Variants in PSME4 observed in about 807,000 individuals in gnomAD.
PSME4 encodes the protein proteasome activator complex subunit 4.
Under a neutral mutation model 253.9 loss-of-function variants are expected in PSME4, and 89 were observed. That is an observed-to-expected ratio of 0.35 (90% CI 0.30 to 0.42). PSME4 has a LOEUF of 0.42. PSME4 is among the 10% of genes least tolerant of loss of function. The pLI, the probability that PSME4 is intolerant of heterozygous loss-of-function variation, is 1.00. For missense variants in PSME4, 2,014 were observed against 2,195.2 expected, an observed-to-expected ratio of 0.92 and a Z score of 1.65; for synonymous variants, 851 against 759.2, an observed-to-expected ratio of 1.12 and a Z score of -1.99.
At chr2:53,879,708 A>G (rs1679289921) in intron 41 of PSME4, among the ~76,000 whole-genome samples, 2 of 151,410 alleles carry the variant, frequency 1.3e-5, no homozygotes, top group African/African-American at 4.9e-5. Context: ...CTCAGTAACA[A>G]TGAATACCCC....
At chr2:53,896,656 GTCAAC>G (rs1680150665) in intron 32 of PSME4, 143 bp downstream of exon 32, 1 of 600,376 alleles carries the variant, frequency 1.7e-6, no homozygotes, top group African/African-American at 1.9e-5. Context: ...CTTTTACTAA[GTCAAC>G]TGTTTCCTTC....
In PSME4 at chr2:53,908,363, C is replaced by T. The variant is rs1010775193; in HGVS notation, c.2741G>A (p.Arg914Gln). ...QGSHKHEFDS[R>Q]WKSFNLVKKS... Reference sequence around the variant, plus strand: ...CTTTACTAAGTTGAAGCTTTTCCATCGGGAGTCAAATTCATGCTTGTGAGA... The same window carrying T: ...CTTTACTAAGTTGAAGCTTTTCCATTGGGAGTCAAATTCATGCTTGTGAGA... The change falls in exon 24 of 47, where the codon CGA becomes CAA. Residue 914 changes from arginine to glutamine, a missense_variant. Arg to Gln is a conservative substitution (Grantham distance 43). This residue lies in a region of PSME4 where 989 missense variants were observed against 1,021.1 expected (regional missense o/e 0.97). Transcript: ENST00000404125. 9 of 1,612,782 alleles carry T rather than the reference C, an allele frequency of 5.6e-6. No individual in the cohort carries two copies. Among genetic ancestry groups the T allele is most frequent in the Non-Finnish European group, 7.6e-6 (9 of 1,179,434 alleles).
chr2:53,893,372 T>C (rs1188270161), intron 35 of PSME4, among the ~76,000 whole-genome samples: 1 of 152,146 alleles, frequency 6.6e-6, no homozygotes, highest in Non-Finnish European at 1.5e-5. Flanking sequence ...CATAAAATGG[T>C]ATTGTATTTG....
Position 53,892,934 on chromosome 2 carries a change from G to T in PSME4, c.4065C>A (p.Ala1355=). The change falls in exon 36 of 47, where the codon GCC becomes GCA. Residue 1355 remains alanine, a synonymous_variant. Coordinates refer to ENST00000404125, the MANE Select transcript of PSME4 (RefSeq NM_014614.3). ...FKGIFRNFDD[A]FLPVLKPHLE... is the part of the protein sequence containing the mutation. ...AATGGGGCTTCAGAACTGGCAGGAAGGCATCATCAAAATTCCTGAATATAC... is the reference window on the plus strand; with the variant it reads ...AATGGGGCTTCAGAACTGGCAGGAATGCATCATCAAAATTCCTGAATATAC... 6.2e-7 allele frequency: 1 copy of T among 1,613,352 alleles called. No homozygotes were observed. The highest frequency in any genetic ancestry group is 8.5e-7 in the Non-Finnish European group (1 of 1,179,752).
chr2:53,921,685 G>A (rs1195686186), intron 17 of PSME4, among the ~76,000 whole-genome samples: 146 of 116,406 alleles, frequency 1.3e-3, no homozygotes, highest in Middle Eastern at 0.014. Context: ...CGGCTAAAAC[G>A]GTGAAACCCC....
At chr2:53,960,889 C>T (rs113506637) in intron 1 of PSME4, among the ~76,000 whole-genome samples, 5,081 of 152,132 alleles carry the variant, frequency 0.033, 194 homozygotes, top group Admixed American at 0.12. Flanking sequence ...AGGCGGATCA[C>T]GTGAGGTGAG....
chr2:53,916,476 G>A (rs999836812), intron 20 of PSME4, among the ~76,000 whole-genome samples: 1 of 152,098 alleles, frequency 6.6e-6, no homozygotes, highest in African/African-American at 2.4e-5. Context: ...CAACTAATGT[G>A]CTAAGTTAAT....
At chr2:53,957,219 T>G (rs1048091068) in intron 1 of PSME4, among the ~76,000 whole-genome samples, 1 of 152,214 alleles carries the variant, frequency 6.6e-6, no homozygotes, top group Non-Finnish European at 1.5e-5. Flanking sequence ...AAGGACCGGT[T>G]TTGTGGAAAA....
At chr2:53,945,649 G>A (rs756971870) in intron 3 of PSME4, among the ~76,000 whole-genome samples, 6 of 152,138 alleles carry the variant, frequency 3.9e-5, no homozygotes, top group South Asian at 2.1e-4. Context: ...AACACATGCC[G>A]CTCTAAGCAG....
chr2:53,902,633 A>C (rs868661478), intron 27 of PSME4, among the ~76,000 whole-genome samples: 1 of 152,182 alleles, frequency 6.6e-6, no homozygotes, highest in Non-Finnish European at 1.5e-5. Context: ...AGAATAGTCA[A>C]TGAGTCAAAC....
rs1262466958 is a variant in PSME4, at chr2:53,901,505, G to C, written c.3130C>G (p.His1044Asp). ...GTCTGTACAATACAGTCCCAATCAT[G>C]AAGGTTTGCCAAGCACACACCACTG... is the stretch of plus-strand genomic sequence containing the variant. ...NHSGVCLANL[H>D]DWDCIVQTWP... The change falls in exon 28 of 47, where the codon CAT becomes GAT. Residue 1044 changes from histidine (H) to aspartate (D), a missense_variant. His to Asp is a moderately conservative substitution (Grantham distance 81). This residue lies in a region of PSME4 where 989 missense variants were observed against 1,021.1 expected (regional missense o/e 0.97). Coordinates refer to ENST00000404125, the MANE Select transcript of PSME4 (RefSeq NM_014614.3). 3 of 1,613,836 alleles carry C rather than the reference G, an allele frequency of 1.9e-6. No homozygotes were observed. Among genetic ancestry groups the C allele is most frequent in the Middle Eastern group, 1.6e-4 (1 of 6,082 alleles).
At chr2:53,888,645 C>A (rs1001016840) in intron 38 of PSME4, 76 bp downstream of exon 38, 8 of 998,344 alleles carry the variant, frequency 8.0e-6, no homozygotes, top group African/African-American at 1.6e-5. Flanking sequence ...CAAGTATAGA[C>A]CATTCATTTC....
intron 1 of PSME4, among the ~76,000 whole-genome samples, chr2:53,962,892 C>G (rs1670552613): frequency 6.6e-6 from 1 of 152,022 alleles, no homozygotes; most frequent in South Asian, 2.1e-4. Flanking sequence ...CACCTGTAGT[C>G]CCAGCTACGC....
At chr2:53,963,365 GAA>G (rs1670576109) in intron 1 of PSME4, among the ~76,000 whole-genome samples, 1 of 152,002 alleles carries the variant, frequency 6.6e-6, no homozygotes, top group Non-Finnish European at 1.5e-5. Context: ...AGAGCGCACT[GAA>G]ACTTCCAGAG....
chr2:53,910,029 G>C (rs1468357174), intron 21 of PSME4, 46 bp downstream of exon 21: 6 of 1,458,508 alleles, frequency 4.1e-6, no homozygotes, highest in Non-Finnish European at 5.8e-6. Flanking sequence ...TGGAGTTACT[G>C]ACAAAAATAA....
intron 1 of PSME4, among the ~76,000 whole-genome samples, chr2:53,954,495 GTAA>G (rs1239055006): frequency 2.0e-5 from 3 of 152,112 alleles, no homozygotes; most frequent in Non-Finnish European, 2.9e-5. Context: ...ATTTAAAAAT[GTAA>G]TAATAACAAA....
intron 34 of PSME4, 118 bp downstream of exon 34, chr2:53,894,889 A>G: frequency 1.1e-6 from 1 of 879,408 alleles, no homozygotes; most frequent in South Asian, 1.7e-5. Context: ...GCAGTGCTAT[A>G]CAGAAAAACA....
chr2:53,903,959 A>G (rs1680529682), intron 27 of PSME4, 66 bp downstream of exon 27: 2 of 1,365,816 alleles, frequency 1.5e-6, no homozygotes, highest in Admixed American at 2.1e-5. Flanking sequence ...TGTTTACCGT[A>G]GAATTTTTTC....
intron 44 of PSME4, among the ~76,000 whole-genome samples, chr2:53,868,478 TTATAATATATATATA>T (rs1258295272): frequency 2.5e-5 from 2 of 81,088 alleles, no homozygotes; most frequent in African/African-American, 9.5e-5. Flanking sequence ...TAAAATATAT[TTATAATATATATATA>T]TATGATATAT....
Sources: gnomAD v4.1 joint callset for allele counts (sites outside exome capture counted in the v4.1 genomes callset) on GRCh38, gnomAD v4.1.1 for gene constraint, gnomAD v4.1.1 regional missense constraint, MANE v1.5 for transcripts, NCBI Gene and HGNC (gene_info 2026-07-23, HGNC 2026-07-21) for gene names.